The following RNF220 variants were observed in gnomAD, a reference collection of about 807,000 sequenced individuals.
The protein encoded by RNF220 is ring finger protein 220, also known as E3 ubiquitin-protein ligase RNF220.
A neutral mutation model predicts 67.1 loss-of-function variants in RNF220; 7 were observed. That is an observed-to-expected ratio of 0.10 (90% CI 0.06 to 0.20). The LOEUF (loss-of-function observed/expected upper bound fraction) is 0.20, where lower values mean the gene tolerates loss of function less well. Among genes scored for constraint, RNF220 ranks in the 10% least tolerant of loss-of-function variants. The probability of loss-of-function intolerance (pLI) is 1.00; values close to 1 mark genes in which losing one functional copy is unlikely to be tolerated. For synonymous variants in RNF220, 270 were observed against 283.2 expected (o/e 0.95, Z 0.47); for missense variants, 565 against 740.3 (o/e 0.76, Z 2.75).
Position 44,564,539 on chromosome 1 carries a change from G to A in RNF220, c.626-49626G>A, listed in dbSNP as rs571688561. Among the ~76,000 whole-genome samples, 4 of 152,146 alleles carry A rather than the reference G, an allele frequency of 2.6e-5. No individual in the cohort carries two copies. In the East Asian group the frequency reaches 5.8e-4, roughly 22 times the overall value. ...AAGCCAAGGTGGGTGGATCACCTGAGCTCAGGAGTTCGAGATCAGCCTGGC... is the reference window on the plus strand; with the variant it reads ...AAGCCAAGGTGGGTGGATCACCTGAACTCAGGAGTTCGAGATCAGCCTGGC... On this transcript the variant is annotated intron_variant, in intron 2 of 14. Transcript: ENST00000361799.
At chr1:44,540,857 A>G (rs1661620245) in intron 2 of RNF220, among the ~76,000 whole-genome samples, 1 of 152,156 alleles carries the variant, frequency 6.6e-6, no homozygotes, top group African/African-American at 2.4e-5. Flanking sequence ...TTCTGAGAGC[A>G]CGAGTCAGGT....
intron 9 of RNF220, 93 bp downstream of exon 9, chr1:44,644,887 C>G: frequency 6.6e-7 from 1 of 1,523,040 alleles, no homozygotes; most frequent in Non-Finnish European, 9.1e-7. Context: ...CTGCACCACC[C>G]CCCGGGCCAG....
chr1:44,451,454 TATTA>T (rs1197305443), intron 2 of RNF220, among the ~76,000 whole-genome samples: 1 of 152,188 alleles, frequency 6.6e-6, no homozygotes, highest in African/African-American at 2.4e-5. Context: ...TCTTTTTCTC[TATTA>T]GATTGTCTTA....
At chr1:44,490,190 G>A (rs978900242) in intron 2 of RNF220, among the ~76,000 whole-genome samples, 1 of 151,806 alleles carries the variant, frequency 6.6e-6, no homozygotes, top group Admixed American at 6.6e-5. Context: ...GGTATCAGCC[G>A]GGCGTGGTGG....
chr1:44,607,573 G>A (rs567798359), intron 2 of RNF220, among the ~76,000 whole-genome samples: 37 of 148,362 alleles, frequency 2.5e-4, no homozygotes, highest in Non-Finnish European at 4.3e-4. Flanking sequence ...TGCAAGCTCC[G>A]CCTCCTGGGT....
intron 5 of RNF220, chr1:44,631,932 C>A (rs1347999045): frequency 2.0e-6 from 2 of 988,364 alleles, no homozygotes. Context: ...TGTGAACTTT[C>A]ACCCCCAGCG....
intron 2 of RNF220, among the ~76,000 whole-genome samples, chr1:44,443,407 A>G (rs1238218234): frequency 6.6e-6 from 1 of 152,176 alleles, no homozygotes; most frequent in East Asian, 1.9e-4. Flanking sequence ...CTGTCTTAGC[A>G]CACTGTTGCA....
intron 1 of RNF220, among the ~76,000 whole-genome samples, 193 bp from the exon 2 acceptor site, chr1:44,411,788 A>G (rs541375957): frequency 4.0e-5 from 6 of 151,666 alleles, no homozygotes; most frequent in African/African-American, 1.5e-4. Flanking sequence ...CGTACATCAC[A>G]GTAAGTTGTC....
rs931611864 is a variant in RNF220, at chr1:44,606,835, C to T, written c.626-7330C>T. Reference sequence around the variant, plus strand: ...GCACAGAGGACACAGTGGTGAGCTTCGGTGCTCTATGTCAATGTCTCCCGG... The same window carrying T: ...GCACAGAGGACACAGTGGTGAGCTTTGGTGCTCTATGTCAATGTCTCCCGG... On this transcript the variant is annotated intron_variant, in intron 2 of 14. Transcript: ENST00000361799. This position sits in a 1 kb window ranked among gnomAD's most constrained non-coding sequence, Gnocchi z 4.2. 3.3e-5 allele frequency among the ~76,000 whole-genome samples: 5 copies of T among 152,176 alleles called. No individual in the cohort carries two copies. The highest frequency in any genetic ancestry group is 4.8e-5 in the African/African-American group (2 of 41,432).
intron 2 of RNF220, among the ~76,000 whole-genome samples, chr1:44,508,094 G>C (rs531442403): frequency 6.6e-6 from 1 of 151,928 alleles, no homozygotes; most frequent in Non-Finnish European, 1.5e-5. Context: ...TGTGGGGGTG[G>C]TGGAGCAGGC....
chr1:44,586,557 A>G (rs1022404753), intron 2 of RNF220, among the ~76,000 whole-genome samples: 3 of 152,154 alleles, frequency 2.0e-5, no homozygotes, highest in Admixed American at 6.5e-5. Flanking sequence ...GCTCCATCCC[A>G]GACGGTGGGG....
chr1:44,508,766 C>T (rs1389552805), intron 2 of RNF220, among the ~76,000 whole-genome samples: 1 of 152,214 alleles, frequency 6.6e-6, no homozygotes, highest in Non-Finnish European at 1.5e-5. Context: ...GCTTTCACCT[C>T]TTCTTTAGAC....
At chr1:44,552,604 T>C (rs1238437495) in intron 2 of RNF220, among the ~76,000 whole-genome samples, 2 of 140,830 alleles carry the variant, frequency 1.4e-5, no homozygotes, top group African/African-American at 5.3e-5. Flanking sequence ...AGAGTCTTGC[T>C]CTGTCACCCA....
At chr1:44,607,385 CTCAGCA>C (rs1213130410) in intron 2 of RNF220, among the ~76,000 whole-genome samples, 1 of 152,174 alleles carries the variant, frequency 6.6e-6, no homozygotes, top group Admixed American at 6.5e-5. Context: ...ATCATCATAC[CTCAGCA>C]CTCTGCCCCT....
chr1:44,508,066 C>T (rs924551865), intron 2 of RNF220, among the ~76,000 whole-genome samples: 2 of 150,600 alleles, frequency 1.3e-5, no homozygotes, highest in African/African-American at 2.4e-5. Context: ...CTTTTCCTCT[C>T]TTGTTTGGGG....
chr1:44,650,611 CT>C lies in RNF220; in HGVS notation c.1630-92del, dbSNP rs1644766614. ...GACAGGACCAAGGTCTCAGCACACA[CT>C]GGTGCAGAGAGACATGGCTGCAGGC... is the stretch of plus-strand genomic sequence containing the variant. On this transcript the variant is annotated intron_variant, in intron 14 of 14. Coordinates refer to ENST00000361799, the MANE Select transcript of RNF220 (RefSeq NM_018150.4). The surrounding 1 kb of genome is among the most constrained non-coding windows in gnomAD (Gnocchi z 4.3). 25 of 1,350,338 alleles carry C rather than the reference CT, an allele frequency of 1.9e-5. No individual in the cohort carries two copies. In the South Asian group the frequency reaches 2.2e-4, roughly 12 times the overall value. 83.6% of individuals were successfully genotyped at this position (1,350,338 alleles called of 1,614,324 possible). A position where few individuals can be genotyped will look rare whatever the true frequency, so the allele number is the denominator to read the frequency against.
chr1:44,437,315 G>A (rs1651078674), intron 2 of RNF220, among the ~76,000 whole-genome samples: 3 of 152,124 alleles, frequency 2.0e-5, no homozygotes, highest in African/African-American at 7.2e-5. Flanking sequence ...GCTTTAAGGA[G>A]GAGCAATTCT....
chr1:44,635,260 A>C, intron 6 of RNF220: 1 of 389,536 alleles, frequency 2.6e-6, no homozygotes. Flanking sequence ...CTGGATTTTT[A>C]TTAAACACTG....
intron 2 of RNF220, among the ~76,000 whole-genome samples, chr1:44,566,112 C>T (rs983670722): frequency 6.6e-6 from 1 of 152,158 alleles, no homozygotes; most frequent in Non-Finnish European, 1.5e-5. Flanking sequence ...CCCATCCCTC[C>T]CCCTAGCTTG....
Sources: allele counts gnomAD v4.1 joint callset (sites outside exome capture counted in the v4.1 genomes callset), GRCh38; gene constraint gnomAD v4.1.1; non-coding constraint Gnocchi (gnomAD v3.1); transcripts MANE v1.5; gene names NCBI Gene and HGNC (gene_info 2026-07-23, HGNC 2026-07-21).